The following GTF3C1 variants were observed in gnomAD, a reference collection of about 807,000 sequenced individuals.
GTF3C1 encodes the protein general transcription factor IIIC subunit 1.
In GTF3C1, 57 loss-of-function variants were observed where a neutral mutation model predicts 226.7. The observed-to-expected ratio is 0.25, with a 90% CI of 0.20 to 0.31. The LOEUF is 0.31. Ranked by LOEUF, GTF3C1 falls within the 10% of genes least tolerant of loss-of-function variation. The probability of loss-of-function intolerance (pLI) is 1.00; values close to 1 mark genes in which losing one functional copy is unlikely to be tolerated. For missense variants in GTF3C1, 2,217 were observed against 2,776.1 expected, an observed-to-expected ratio of 0.80 and a Z score of 4.53; for synonymous variants, 1,090 against 1,084.8, an observed-to-expected ratio of 1.00 and a Z score of -0.09.
At chr16:27,488,516 C>G (rs1156962029) in intron 22 of GTF3C1, 38 bp downstream of exon 22, 2 of 1,581,168 alleles carry the variant, frequency 1.3e-6, no homozygotes, top group Non-Finnish European at 1.7e-6. Flanking sequence ...TGAACTGGTA[C>G]CATATTAACT....
intron 26 of GTF3C1, chr16:27,482,671 C>T (rs1396393693): frequency 2.2e-6 from 1 of 458,702 alleles, no homozygotes; most frequent in Non-Finnish European, 4.4e-6. Flanking sequence ...GACAGCTTCC[C>T]TCCTTGTCAG....
intron 33 of GTF3C1, 114 bp from the exon 34 acceptor site, chr16:27,464,950 C>T (rs1210925675): frequency 3.4e-6 from 3 of 885,570 alleles, no homozygotes; most frequent in Non-Finnish European, 5.0e-6. Flanking sequence ...CCCTGAGCAG[C>T]CCAGGCCCAC....
At chr16:27,519,532 C>T (rs2141424251) in intron 6 of GTF3C1, among the ~76,000 whole-genome samples, 1 of 152,284 alleles carries the variant, frequency 6.6e-6, no homozygotes, top group Non-Finnish European at 1.5e-5. Context: ...ACCCAACTTC[C>T]ACTTCCTCCT....
chr16:27,501,772 T>A (rs1284375722), intron 11 of GTF3C1, among the ~76,000 whole-genome samples: 1 of 152,210 alleles, frequency 6.6e-6, no homozygotes, highest in Non-Finnish European at 1.5e-5. Flanking sequence ...TAGGTCTTAC[T>A]GAGTCACTAT....
rs772336552 is a variant in GTF3C1, at chr16:27,476,554, A to G, written c.4260-10T>C. ...GTGGATGTCATCCACGCTGAAAGAG[A>G]GGGGGCAGCAGGGCACCATGAGACC... On this transcript the variant is annotated splice_polypyrimidine_tract_variant and intron_variant, in intron 28 of 36. Transcript: ENST00000356183. 3 of 1,508,654 alleles carry G rather than the reference A, an allele frequency of 2.0e-6. No homozygotes were observed. In the Admixed American group the frequency reaches 5.0e-5, roughly 25 times the overall value. 93.5% of individuals were successfully genotyped at this position (1,508,654 alleles called of 1,614,324 possible).
At position 27,463,679 on chromosome 16, in the gene GTF3C1, G is replaced by A; in HGVS notation, c.5873-87C>T. The A allele has an allele frequency of 3.8e-6, 3 of 799,452 alleles. No homozygotes were observed. Among genetic ancestry groups the A allele is most frequent in the South Asian group, 1.3e-5 (1 of 74,088 alleles). The allele number at this position is 799,452 out of a possible 1,614,324, so 49.5% of individuals were successfully genotyped here. A position where few individuals can be genotyped will look rare whatever the true frequency, so the allele number is the denominator to read the frequency against. The stretch of plus-strand genomic sequence containing the variant: ...CAACCTTCAGCATGGTACCTAGCAT[G>A]AGCAGGGCACCTCGAGGCTCAGGGG... On this transcript the variant is annotated intron_variant, in intron 34 of 36. Coordinates refer to ENST00000356183, the MANE Select transcript of GTF3C1 (RefSeq NM_001520.4). The surrounding 1 kb of genome is among the most constrained non-coding windows in gnomAD (Gnocchi z 4.9).
At position 27,495,332 on chromosome 16, in the gene GTF3C1, G is replaced by C. The variant is rs958856031; in HGVS notation, c.2511C>G (p.Gly837=). 6.2e-7 allele frequency: 1 copy of C among 1,613,878 alleles called. No homozygotes were observed. The highest frequency in any genetic ancestry group is 1.7e-5 in the Admixed American group (1 of 60,016). Residue 837 remains glycine (G), a synonymous_variant, in exon 15 of 37, where the codon GGC becomes GGG. Coordinates refer to ENST00000356183, the MANE Select transcript of GTF3C1 (RefSeq NM_001520.4). ...AGGAGGACGGCCGGACGCCTGCCCT[G>C]CCTGACTCCTGCTTTATCGTTCTCC... is the stretch of plus-strand genomic sequence containing the variant. ...SERRTIKQES[G]RAGVRPSSSG...
chr16:27,529,961 A>G (rs1257578482), intron 5 of GTF3C1, among the ~76,000 whole-genome samples: 2 of 152,206 alleles, frequency 1.3e-5, no homozygotes, highest in African/African-American at 4.8e-5. Flanking sequence ...TATTTTATAC[A>G]TGGCCCATTT....
intron 6 of GTF3C1, among the ~76,000 whole-genome samples, chr16:27,525,040 A>G (rs2088808860): frequency 6.6e-6 from 1 of 152,078 alleles, no homozygotes; most frequent in Non-Finnish European, 1.5e-5. Flanking sequence ...TGTAATCTCT[A>G]CTTGGGAGGC....
chr16:27,492,839 C>CACTA lies in GTF3C1; in HGVS notation c.2877-127_2877-126insTAGT. 1.5e-6 allele frequency: 1 copy of CACTA among 679,262 alleles called. No homozygotes were observed. The highest frequency in any genetic ancestry group is 2.7e-6 in the Non-Finnish European group (1 of 376,346). 42.1% of individuals were successfully genotyped at this position (679,262 alleles called of 1,614,324 possible). On this transcript the variant is annotated intron_variant, in intron 17 of 36. Coordinates refer to ENST00000356183, the MANE Select transcript of GTF3C1 (RefSeq NM_001520.4). This position sits in a 1 kb window ranked among gnomAD's most constrained non-coding sequence, Gnocchi z 5.0. ...TTCCACCTGGTGGTCACTGGAGGACCAGCCTCAAGCCCACACTGCACTAAG... is the reference window on the plus strand; with the variant it reads ...TTCCACCTGGTGGTCACTGGAGGACCACTAAGCCTCAAGCCCACACTGCACTAAG...
intron 10 of GTF3C1, among the ~76,000 whole-genome samples, chr16:27,503,634 G>A (rs1452829863): frequency 6.6e-6 from 1 of 152,160 alleles, no homozygotes; most frequent in Non-Finnish European, 1.5e-5. Flanking sequence ...TTCTATCCCC[G>A]CTAAATTGTC....
chr16:27,513,180 T>A (rs551203731), intron 6 of GTF3C1, among the ~76,000 whole-genome samples: 1 of 152,206 alleles, frequency 6.6e-6, no homozygotes, highest in Admixed American at 6.5e-5. Context: ...AGGCTGGGCA[T>A]GGTGGCTCAC....
chr16:27,544,070 T>C (rs2089128579), intron 2 of GTF3C1, among the ~76,000 whole-genome samples: 1 of 152,088 alleles, frequency 6.6e-6, no homozygotes, highest in Admixed American at 6.6e-5. Flanking sequence ...ACTGTGTTCA[T>C]GTGCTGAAGG....
rs531716946 is a variant in GTF3C1 at position 27,489,033 on chromosome 16, G to A, written c.3429+10C>T. The A allele has an allele frequency of 5.0e-6, 8 of 1,610,658 alleles. No individual in the cohort carries two copies. The highest frequency in any genetic ancestry group is 1.7e-4 in the Middle Eastern group (1 of 5,800). On this transcript the variant is annotated intron_variant, in intron 21 of 36. Transcript: ENST00000356183. ...CCCTGAGATTGTAGTCCGGTGTGAC[G>A]CACACCCACCTTTTTGGCCTGGTTG...
At chr16:27,499,595 G>A (rs1455910085) in intron 12 of GTF3C1, among the ~76,000 whole-genome samples, 1 of 152,194 alleles carries the variant, frequency 6.6e-6, no homozygotes, top group Non-Finnish European at 1.5e-5. Flanking sequence ...GCTCCCGAAT[G>A]CCACACTTGG....
Position 27,545,424 on chromosome 16 carries a change from C to A in GTF3C1, c.321G>T (p.Lys107Asn). Residue 107 changes from lysine (K) to asparagine (N), a missense_variant, in exon 2 of 37, where the codon AAG (lysine) becomes AAT (asparagine). By Grantham distance (94) the Lys-to-Asn change is moderately conservative. Around this residue, in one of 12 missense-constraint regions of GTF3C1, gnomAD observed 192 missense variants for 251.8 expected, o/e 0.76. Transcript: ENST00000356183. ...VYPIHMILEN[K>N]DGIQGSCRYF... ...AGCGGCATGAGCCCTGGATGCCATCCTTATTCTCTAAGATCATATGAATGG... is the reference window on the plus strand; with the variant it reads ...AGCGGCATGAGCCCTGGATGCCATCATTATTCTCTAAGATCATATGAATGG... The A allele has an allele frequency of 6.2e-7, 1 of 1,612,098 alleles. No homozygotes were observed.
chr16:27,538,477 C>A, intron 2 of GTF3C1, 121 bp from the exon 3 acceptor site: 1 of 596,234 alleles, frequency 1.7e-6, no homozygotes, highest in Non-Finnish European at 2.8e-6. Context: ...TACAAGATCC[C>A]AAAATTAAGT....
intron 5 of GTF3C1, among the ~76,000 whole-genome samples, chr16:27,533,035 G>A (rs991905997): frequency 2.6e-5 from 4 of 152,154 alleles, no homozygotes; most frequent in African/African-American, 7.2e-5. Context: ...GGGAGGCTGA[G>A]GCAGGAGAAT....
At chr16:27,537,492 C>T (rs1173245389) in intron 4 of GTF3C1, among the ~76,000 whole-genome samples, 1 of 152,138 alleles carries the variant, frequency 6.6e-6, no homozygotes, top group Non-Finnish European at 1.5e-5. Context: ...TCACTGCAGC[C>T]TCAAATTCCT....
Sources: allele counts gnomAD v4.1 joint callset (sites outside exome capture counted in the v4.1 genomes callset), GRCh38; gene constraint gnomAD v4.1.1; regional missense constraint gnomAD v4.1.1; non-coding constraint Gnocchi (gnomAD v3.1); transcripts MANE v1.5; gene names NCBI Gene and HGNC (gene_info 2026-07-23, HGNC 2026-07-21).